Variants in CPA4 observed in about 807,000 individuals in gnomAD.
CPA4 encodes carboxypeptidase A4.
A neutral mutation model predicts 54.7 loss-of-function variants in CPA4; 49 were observed. The ratio of observed to expected loss-of-function variants is 0.90; its 90% CI spans 0.71 to 1.14. The LOEUF (loss-of-function observed/expected upper bound fraction) is 1.14, where lower values mean the gene tolerates loss of function less well. Among genes scored for constraint, CPA4 ranks in the 50% most tolerant of loss-of-function variants. The pLI, the probability that CPA4 is intolerant of heterozygous loss-of-function variation, is 0.00. For missense variants in CPA4, 487 were observed against 525.1 expected, an observed-to-expected ratio of 0.93 and a Z score of 0.71; for synonymous variants, 215 against 206.8, an observed-to-expected ratio of 1.04 and a Z score of -0.34.
intron 3 of CPA4, among the ~76,000 whole-genome samples, chr7:130,300,333 ATTT>A (rs767924823): frequency 0.016 from 2,014 of 124,408 alleles, 47 homozygotes; most frequent in African/African-American, 0.059. Flanking sequence ...CAAGAAGTAA[ATTT>A]TTTTTTTTTT....
intron 9 of CPA4, 146 bp downstream of exon 9, chr7:130,311,132 G>GGA: frequency 1.5e-6 from 1 of 661,194 alleles, no homozygotes; most frequent in East Asian, 2.7e-5. Context: ...CTGCCCTTTG[G>GGA]GATATGCTGT....
In CPA4 at chr7:130,310,514, A is replaced by G. The variant is rs1793894604; in HGVS notation, c.794-273A>G. Among the ~76,000 whole-genome samples the G allele has an allele frequency of 6.6e-6, 1 of 152,214 alleles. No individual in the cohort carries two copies. Among genetic ancestry groups the G allele is most frequent in the Non-Finnish European group, 1.5e-5 (1 of 68,042 alleles). The stretch of plus-strand genomic sequence containing the variant: ...ACTTATTAATTACAACTCATTCTCA[A>G]GGGTGATATTAATTATTTATGACAA... On this transcript the variant is annotated intron_variant, in intron 8 of 10. Transcript: ENST00000222482. This position sits in a 1 kb window ranked among gnomAD's most constrained non-coding sequence, Gnocchi z 4.3.
At position 130,293,876 on chromosome 7, in the gene CPA4, CGTGTGTGTGTGCGCGT is replaced by C. The variant is rs1793608612; in HGVS notation, c.68+638_68+653del. ...CATGCAGAGACACATGCCTGAACAC[CGTGTGTGTGTGCGCGT>C]GTGTGTGTGCACACACACACGTGCT... On this transcript the variant is annotated intron_variant, in intron 1 of 10. Transcript: ENST00000222482. Among the ~76,000 whole-genome samples the C allele has an allele frequency of 2.0e-5, 3 of 152,036 alleles. No individual in the cohort carries two copies. The South Asian group carries it at 6.2e-4, about 32-fold the overall frequency.
chr7:130,320,588 A>T (rs1354779382), intron 10 of CPA4, among the ~76,000 whole-genome samples: 1 of 152,186 alleles, frequency 6.6e-6, no homozygotes, highest in Non-Finnish European at 1.5e-5. Context: ...ACCATGGAAA[A>T]GCCAAAGGAC....
At chr7:130,300,555 C>T (rs182382143) in intron 3 of CPA4, among the ~76,000 whole-genome samples, 2,579 of 151,798 alleles carry the variant, frequency 0.017, 33 homozygotes, top group Non-Finnish European at 0.024. Context: ...AGGATGGTCT[C>T]GATCTCCTGA....
intron 1 of CPA4, among the ~76,000 whole-genome samples, chr7:130,296,282 C>T (rs1254377009): frequency 6.6e-6 from 1 of 152,206 alleles, no homozygotes; most frequent in Non-Finnish European, 1.5e-5. Flanking sequence ...TCGGCACCCG[C>T]TCTTCTGCCC....
intron 2 of CPA4, among the ~76,000 whole-genome samples, 178 bp from the exon 3 acceptor site, chr7:130,299,092 T>C (rs1793698741): frequency 6.6e-6 from 1 of 152,260 alleles, no homozygotes; most frequent in Non-Finnish European, 1.5e-5. Flanking sequence ...CTCTGCCAGA[T>C]ACTGCTTGTT....
intron 7 of CPA4, 76 bp downstream of exon 7, chr7:130,306,973 A>C: frequency 1.2e-6 from 1 of 835,758 alleles, no homozygotes. Context: ...GATCTTGGAG[A>C]GAATTTCCAC....
intron 1 of CPA4, among the ~76,000 whole-genome samples, chr7:130,297,579 T>C (rs1163823952): frequency 6.6e-6 from 1 of 152,164 alleles, no homozygotes; most frequent in Non-Finnish European, 1.5e-5. Context: ...AAGTCTGGCC[T>C]AGACCCACTG....
chr7:130,298,067 C>T (rs1165361354), intron 1 of CPA4, among the ~76,000 whole-genome samples: 1 of 152,178 alleles, frequency 6.6e-6, no homozygotes, highest in Admixed American at 6.5e-5. Flanking sequence ...CTACATCCAG[C>T]CTCAGCACCA....
chr7:130,321,346 C>T (rs976104973), intron 10 of CPA4, among the ~76,000 whole-genome samples: 10 of 152,100 alleles, frequency 6.6e-5, no homozygotes, highest in African/African-American at 1.7e-4. Context: ...CTCCCTTCTC[C>T]GTATCCATTA....
chr7:130,322,730 G>A lies in CPA4; in HGVS notation c.*54G>A, dbSNP rs1794136397. The A allele has an allele frequency of 1.0e-5, 16 of 1,539,532 alleles. No homozygotes were observed. Among genetic ancestry groups the A allele is most frequent in the Non-Finnish European group, 1.2e-5 (14 of 1,135,138 alleles). On this transcript the variant is annotated 3_prime_UTR_variant, in exon 11 of 11. Transcript: ENST00000222482. ...TTGTACCCACACGTGCACGCACTGA[G>A]GCCATTGTTAAAGGAGCTCTTTCCT...
At chr7:130,315,938 A>T (rs1374128273) in intron 10 of CPA4, among the ~76,000 whole-genome samples, 3 of 152,070 alleles carry the variant, frequency 2.0e-5, no homozygotes, top group African/African-American at 7.3e-5. Context: ...TGTGGAAGAG[A>T]TTGTGAATAT....
intron 10 of CPA4, among the ~76,000 whole-genome samples, chr7:130,321,887 C>G (rs966718881): frequency 1.3e-5 from 2 of 152,168 alleles, no homozygotes; most frequent in African/African-American, 4.8e-5. Flanking sequence ...GGGACACAGC[C>G]AAACCATATC....
chr7:130,306,982 A>G, intron 7 of CPA4, 85 bp downstream of exon 7: 1 of 773,550 alleles, frequency 1.3e-6, no homozygotes, highest in Non-Finnish European at 2.3e-6. Context: ...GAGAATTTCC[A>G]CAAATGTGCA....
intron 1 of CPA4, among the ~76,000 whole-genome samples, chr7:130,294,481 G>C (rs1793619613): frequency 6.6e-6 from 1 of 152,232 alleles, no homozygotes; most frequent in Non-Finnish European, 1.5e-5. Flanking sequence ...AGGCGGCTCA[G>C]CAGTAGGTGT....
At chr7:130,315,220 A>G (rs1793971125) in intron 10 of CPA4, among the ~76,000 whole-genome samples, 1 of 152,048 alleles carries the variant, frequency 6.6e-6, no homozygotes, top group African/African-American at 2.4e-5. Flanking sequence ...ATAAAATGGC[A>G]GATGGTATGT....
chr7:130,318,693 G>A (rs1018430162), intron 10 of CPA4, among the ~76,000 whole-genome samples: 10 of 152,230 alleles, frequency 6.6e-5, no homozygotes, highest in East Asian at 1.9e-4. Context: ...TTACAGGCGT[G>A]AGCCACAGCA....
At chr7:130,320,184 G>A (rs987091681) in intron 10 of CPA4, among the ~76,000 whole-genome samples, 3 of 152,172 alleles carry the variant, frequency 2.0e-5, no homozygotes, top group Non-Finnish European at 4.4e-5. Flanking sequence ...ATCTATGTGC[G>A]CTAAAAGGGA....
Sources: allele counts gnomAD v4.1 joint callset (sites outside exome capture counted in the v4.1 genomes callset), GRCh38; gene constraint gnomAD v4.1.1; non-coding constraint Gnocchi (gnomAD v3.1); transcripts MANE v1.5; gene names NCBI Gene and HGNC (gene_info 2026-07-23, HGNC 2026-07-21).